The following WDR7 variants were observed in gnomAD, a reference collection of about 807,000 sequenced individuals.
WDR7 encodes WD repeat-containing protein 7.
WDR7 carries 46 observed loss-of-function variants against 169.4 expected under a neutral mutation model. That is an observed-to-expected ratio of 0.27 (90% CI 0.21 to 0.35). The LOEUF (loss-of-function observed/expected upper bound fraction) is 0.35. Ranked by LOEUF, WDR7 falls within the 10% of genes least tolerant of loss-of-function variation. The pLI is 1.00. For missense variants in WDR7, 1,534 were observed against 1,859.3 expected, an observed-to-expected ratio of 0.83 and a Z score of 3.22; for synonymous variants, 612 against 666.8, an observed-to-expected ratio of 0.92 and a Z score of 1.27.
chr18:56,904,429 A>G (rs749892319), intron 21 of WDR7, among the ~76,000 whole-genome samples: 1 of 152,150 alleles, frequency 6.6e-6, no homozygotes, highest in Non-Finnish European at 1.5e-5. Context: ...ATAGTTTTTA[A>G]TTAGAAGTGT....
chr18:56,898,336 T>C (rs1269905801), intron 21 of WDR7, among the ~76,000 whole-genome samples: 1 of 151,970 alleles, frequency 6.6e-6, no homozygotes, highest in African/African-American at 2.4e-5. Flanking sequence ...ATCAGGGAAA[T>C]CTTTATTAGG....
At chr18:56,723,269 A>C (rs1368819280) in intron 13 of WDR7, among the ~76,000 whole-genome samples, 9 of 152,032 alleles carry the variant, frequency 5.9e-5, no homozygotes, top group Admixed American at 1.3e-4. Context: ...TTGAGTAATA[A>C]GAATGCAGTC....
At chr18:57,030,299 A>G (rs2048433156), downstream of WDR7, 1 of 152,182 alleles carries the variant, frequency 6.6e-6, no homozygotes, top group Non-Finnish European at 1.5e-5. Flanking sequence ...TCTCTTAATT[A>G]TTTCAGATAA....
At chr18:56,767,239 C>T (rs570653467) in intron 16 of WDR7, among the ~76,000 whole-genome samples, 7 of 152,232 alleles carry the variant, frequency 4.6e-5, no homozygotes, top group Admixed American at 3.9e-4. Context: ...CCCCCCAGCT[C>T]GAGTAGTTTC....
At chr18:56,720,894 A>T (rs1190237599) in intron 13 of WDR7, among the ~76,000 whole-genome samples, 1 of 152,126 alleles carries the variant, frequency 6.6e-6, no homozygotes, top group Non-Finnish European at 1.5e-5. Context: ...GAGAAGCTGG[A>T]TTTATTTTGG....
chr18:56,962,282 A>T, intron 25 of WDR7, 148 bp from the exon 26 acceptor site: 1 of 415,544 alleles, frequency 2.4e-6, no homozygotes, highest in Non-Finnish European at 4.1e-6. Context: ...TTTTTGAAAA[A>T]TCATAATATA....
At chr18:56,992,065 A>C (rs1399769731) in intron 26 of WDR7, among the ~76,000 whole-genome samples, 1 of 152,252 alleles carries the variant, frequency 6.6e-6, no homozygotes, top group Non-Finnish European at 1.5e-5. Flanking sequence ...TAATTTTATA[A>C]AGTACTCATA....
intron 19 of WDR7, among the ~76,000 whole-genome samples, chr18:56,804,018 G>A (rs765699239): frequency 2.0e-5 from 3 of 152,138 alleles, no homozygotes; most frequent in Non-Finnish European, 2.9e-5. Context: ...GGCAGGACTC[G>A]AACTCCTGGC....
intron 19 of WDR7, among the ~76,000 whole-genome samples, chr18:56,794,813 T>G (rs2044555786): frequency 2.0e-5 from 3 of 152,220 alleles, no homozygotes; most frequent in African/African-American, 4.8e-5. Flanking sequence ...CATATTTCTT[T>G]TAATCTATAG....
chr18:56,896,953 T>C (rs143618125), intron 21 of WDR7, among the ~76,000 whole-genome samples: 2 of 152,000 alleles, frequency 1.3e-5, no homozygotes, highest in East Asian at 3.9e-4. Flanking sequence ...TAAATATCTT[T>C]ATATTTAAAA....
At chr18:56,973,048 A>G (rs2047513743) in intron 26 of WDR7, among the ~76,000 whole-genome samples, 2 of 152,026 alleles carry the variant, frequency 1.3e-5, no homozygotes, top group Non-Finnish European at 1.5e-5. Context: ...TTGTATTTTT[A>G]GTGGAGACGG....
intron 17 of WDR7, among the ~76,000 whole-genome samples, chr18:56,778,183 C>G (rs140592476): frequency 5.6e-4 from 86 of 152,250 alleles, no homozygotes; most frequent in South Asian, 4.1e-3. Flanking sequence ...AATTTCCTCA[C>G]TGAAAGGATG....
intron 2 of WDR7, among the ~76,000 whole-genome samples, chr18:56,677,595 C>A (rs1224318278): frequency 6.6e-6 from 1 of 152,178 alleles, no homozygotes; most frequent in Non-Finnish European, 1.5e-5. Flanking sequence ...AGTGATTCAC[C>A]CACCTCGGAC....
intron 19 of WDR7, among the ~76,000 whole-genome samples, chr18:56,814,842 A>AT (rs2044936788): frequency 6.6e-6 from 1 of 152,104 alleles, no homozygotes; most frequent in South Asian, 2.1e-4. Flanking sequence ...TGAGTTTGTC[A>AT]TTTTTTATTC....
Position 56,888,524 on chromosome 18 carries a change from T to A in WDR7, c.3526+8359T>A, listed in dbSNP as rs549779629. ...CATCTCCTTCATCACCTTCCGATTT[T>A]CTTCTCCATGCAGGGATGGCTGCTG... On this transcript the variant is annotated intron_variant, in intron 21 of 27. Coordinates refer to ENST00000254442, the MANE Select transcript of WDR7 (RefSeq NM_015285.3). 3.9e-5 allele frequency among the ~76,000 whole-genome samples: 6 copies of A among 152,354 alleles called. No homozygotes were observed. In the South Asian group the frequency reaches 1.2e-3, roughly 32 times the overall value.
At chr18:56,713,559 A>G (rs1263142443) in intron 12 of WDR7, among the ~76,000 whole-genome samples, 1 of 152,182 alleles carries the variant, frequency 6.6e-6, no homozygotes, top group African/African-American at 2.4e-5. Context: ...AGAGGTTCAC[A>G]TTTTTTAGTT....
At chr18:56,878,912 A>T (rs2046066365) in intron 20 of WDR7, among the ~76,000 whole-genome samples, 1 of 152,188 alleles carries the variant, frequency 6.6e-6, no homozygotes, top group Admixed American at 6.5e-5. Flanking sequence ...ATTGCTGAGT[A>T]ATCTAATTTT....
At chr18:57,009,772 A>T in intron 26 of WDR7, 1 of 842,260 alleles carries the variant, frequency 1.2e-6, no homozygotes, top group Non-Finnish European at 1.4e-6. Flanking sequence ...TACTTTTGAA[A>T]CATAATTTCA....
intron 25 of WDR7, among the ~76,000 whole-genome samples, chr18:56,961,175 G>T (rs564211917): frequency 2.4e-4 from 36 of 152,160 alleles, no homozygotes; most frequent in Non-Finnish European, 4.4e-4. Flanking sequence ...AATGCCAAAT[G>T]GCTTTGTCAG....
Sources: allele counts gnomAD v4.1 joint callset (sites outside exome capture counted in the v4.1 genomes callset), GRCh38; gene constraint gnomAD v4.1.1; transcripts MANE v1.5; gene names NCBI Gene and HGNC (gene_info 2026-07-23, HGNC 2026-07-21).